NAV1: variants seen among roughly 807,000 people sequenced by gnomAD.
NAV1 encodes the protein neuron navigator 1.
Under a neutral mutation model 175.2 loss-of-function variants are expected in NAV1, and 18 were observed. That is an observed-to-expected ratio of 0.10 (90% CI 0.07 to 0.15). The LOEUF (loss-of-function observed/expected upper bound fraction) is 0.15, where lower values mean the gene tolerates loss of function less well. Ranked by LOEUF, NAV1 falls within the 10% of genes least tolerant of loss-of-function variation. The pLI is 1.00. For synonymous variants in NAV1, 897 were observed against 978.7 expected, an observed-to-expected ratio of 0.92 and a Z score of 1.56; for missense variants, 1,731 against 2,436.6, an observed-to-expected ratio of 0.71 and a Z score of 6.10.
At chr1:201,811,804 G>A in intron 25 of NAV1, 47 bp downstream of exon 29, 1 of 1,607,492 alleles carries the variant, frequency 6.2e-7, no homozygotes, top group Non-Finnish European at 8.5e-7. Flanking sequence ...TGGGAGGAGG[G>A]AGAACCCAGT....
At chr1:201,702,130 A>C (rs1671451447) in intron 1 of NAV1, among the ~76,000 whole-genome samples, 3 of 152,384 alleles carry the variant, frequency 2.0e-5, no homozygotes, top group South Asian at 2.1e-4. Context: ...CAGATGCAAA[A>C]GGCCACATAT....
intron 1 of NAV1, among the ~76,000 whole-genome samples, chr1:201,625,596 G>T (rs552511669): frequency 1.3e-5 from 2 of 152,158 alleles, no homozygotes; most frequent in South Asian, 2.1e-4. Context: ...TCTTTACTTC[G>T]ATTCTGAAGC....
In NAV1 at chr1:201,694,482, C is replaced by T. The variant is rs1005016058; in HGVS notation, c.758-18335C>T. On this transcript the variant is annotated intron_variant, in intron 1 of 29. Coordinates refer to ENST00000367296, the Ensembl canonical transcript of NAV1. The surrounding 1 kb of genome is among the most constrained non-coding windows in gnomAD (Gnocchi z 4.2). ...GGGCCGGGGTCACCAGCTGCTGGGG[C>T]TTCTTGCCCTGAGTTAGGCTGGGGA... is the stretch of plus-strand genomic sequence containing the variant. 1.3e-5 allele frequency among the ~76,000 whole-genome samples: 2 copies of T among 152,152 alleles called. No homozygotes were observed. The highest frequency in any genetic ancestry group is 4.8e-5 in the African/African-American group (2 of 41,424).
chr1:201,681,993 G>A (rs1241833009), intron 1 of NAV1, among the ~76,000 whole-genome samples: 8 of 152,076 alleles, frequency 5.3e-5, no homozygotes, highest in Non-Finnish European at 8.8e-5. Context: ...ATGCACATCC[G>A]TAATCCCAGC....
At chr1:201,654,528 C>T (rs990851367) in intron 1 of NAV1, among the ~76,000 whole-genome samples, 1 of 152,002 alleles carries the variant, frequency 6.6e-6, no homozygotes, top group Non-Finnish European at 1.5e-5. Context: ...AGCCTCTGAC[C>T]CTGAGGGTGA....
In NAV1 at chr1:201,730,485, CA is replaced by C. The variant is rs1199077723; in HGVS notation, c.1226+11731del. Among the ~76,000 whole-genome samples, 3 of 152,242 alleles carry C rather than the reference CA, an allele frequency of 2.0e-5. No homozygotes were observed. In the East Asian group the frequency reaches 5.8e-4, roughly 29 times the overall value. On this transcript the variant is annotated intron_variant, in intron 3 of 29. Coordinates refer to ENST00000367296, the Ensembl canonical transcript of NAV1. ...GTGTCCCTGAAGCCTGTGAGCATGA[CA>C]GGGGCAGGGATCACAGGCCTTCCAC...
In NAV1 at chr1:201,810,033, G is replaced by T. The variant is rs572999947; in HGVS notation, c.4489G>T (p.Val1497Leu). The change falls in exon 23 of 30, where the codon GTG becomes TTG. Residue 1497 changes from valine (V) to leucine (L), a missense_variant. This residue lies in a region of NAV1 where 36 missense variants were observed against 45.3 expected (regional missense o/e 0.80). Coordinates refer to ENST00000367296, the Ensembl canonical transcript of NAV1. The surrounding 1 kb of genome is among the most constrained non-coding windows in gnomAD (Gnocchi z 6.0). Reference sequence around the variant, plus strand: ...CTACAGCATCAGCCACGTGAAACGAGTGTTGGATGCAGAGCCCCCCGAGAT... The same window carrying T: ...CTACAGCATCAGCCACGTGAAACGATTGTTGGATGCAGAGCCCCCCGAGAT... The T allele has an allele frequency of 1.2e-6, 2 of 1,613,838 alleles. No homozygotes were observed. Among genetic ancestry groups the T allele is most frequent in the Non-Finnish European group, 1.7e-6 (2 of 1,180,020 alleles).
chr1:201,804,437 TC>T, intron 16 of NAV1, 51 bp from the exon 21 acceptor site: 4 of 1,506,490 alleles, frequency 2.7e-6, no homozygotes, highest in Non-Finnish European at 3.6e-6. Context: ...AAGTGTTGAT[TC>T]TTTTTTTTTT....
Position 201,793,521 on chromosome 1 carries a change from G to A in NAV1, c.3322-271G>A, listed in dbSNP as rs950985047. 3.8e-5 allele frequency: 16 copies of A among 426,608 alleles called. No individual in the cohort carries two copies. The Admixed American group carries it at 5.7e-4, about 15-fold the overall frequency. 26.4% of individuals were successfully genotyped at this position (426,608 alleles called of 1,614,324 possible). On this transcript the variant is annotated intron_variant, in intron 13 of 29. Transcript: ENST00000367296. The stretch of plus-strand genomic sequence containing the variant: ...TAGTCCTACCTCTGGTAGTTGATAG[G>A]TTTTAGATCTCAAGTCTCCAGGAGC...
chr1:201,547,954 C>T (rs945301628), intron 1 of NAV1, among the ~76,000 whole-genome samples: 1 of 152,034 alleles, frequency 6.6e-6, no homozygotes, highest in Non-Finnish European at 1.5e-5. Context: ...CCACCATGCC[C>T]GGCTAATTTT....
In NAV1 at chr1:201,629,678, G is replaced by T. The variant is rs1182538581; in HGVS notation, c.4+171G>T. ...TCATGCTTGACTCAACCCAGGGTTG[G>T]TCCATCAAACCCAGGAGCCTTTTAG... On this transcript the variant is annotated intron_variant, in intron 2 of 29. Transcript: ENST00000367302. 3.2e-5 allele frequency: 12 copies of T among 376,728 alleles called. No individual in the cohort carries two copies. The East Asian group carries it at 5.9e-4, about 19-fold the overall frequency. The allele number at this position is 376,728 out of a possible 1,614,324, so 23.3% of individuals were successfully genotyped here.
intron 1 of NAV1, among the ~76,000 whole-genome samples, chr1:201,690,952 T>G (rs1213789517): frequency 6.6e-6 from 1 of 152,216 alleles, no homozygotes; most frequent in Admixed American, 6.5e-5. Flanking sequence ...ACCCTCTGCA[T>G]GAATAACTCC....
intron 1 of NAV1, among the ~76,000 whole-genome samples, chr1:201,573,045 G>A (rs1666593744): frequency 6.6e-6 from 1 of 152,216 alleles, no homozygotes; most frequent in African/African-American, 2.4e-5. Flanking sequence ...AGGTTGCATG[G>A]AAGAGCCCTC....
intron 3 of NAV1, among the ~76,000 whole-genome samples, chr1:201,737,861 C>T (rs1036381608): frequency 1.3e-5 from 2 of 152,198 alleles, no homozygotes; most frequent in Non-Finnish European, 2.9e-5. Context: ...GGATTCCATG[C>T]TGGCTGAGGC....
At position 201,602,673 on chromosome 1, in the gene NAV1, T is replaced by G. The variant is rs746115007; in HGVS notation, c.-33+14024T>G. Among the ~76,000 whole-genome samples the G allele has an allele frequency of 5.7e-3, 854 of 149,444 alleles. 1 individual carries two copies. Among genetic ancestry groups the G allele is most frequent in the Non-Finnish European group, 1.0e-2 (667 of 67,012 alleles). Reference sequence around the variant, plus strand: ...TTGGTTTTTTTTTTTTTTGGTTTTTTTTTTACCATGAGCTCATCCAGAGTT... The same window carrying G: ...TTGGTTTTTTTTTTTTTTGGTTTTTGTTTTACCATGAGCTCATCCAGAGTT... On this transcript the variant is annotated intron_variant, in intron 2 of 33. Coordinates refer to the NAV1 transcript ENST00000685211.
chr1:201,794,683 T>C (rs1296107096), intron 15 of NAV1, 106 bp downstream of exon 19: 6 of 1,033,988 alleles, frequency 5.8e-6, no homozygotes, highest in Non-Finnish European at 7.4e-6. Context: ...ATCAAGTCTC[T>C]AGAAGGTGAG....
At chr1:201,550,402 C>T (rs559460359) in intron 1 of NAV1, among the ~76,000 whole-genome samples, 1 of 152,216 alleles carries the variant, frequency 6.6e-6, no homozygotes, top group South Asian at 2.1e-4. Context: ...AAACTCCTGG[C>T]CTCAGGATTG....
intron 2 of NAV1, 140 bp downstream of exon 4, chr1:201,629,647 T>C: frequency 6.5e-6 from 3 of 464,624 alleles, no homozygotes; most frequent in Non-Finnish European, 1.1e-5. Context: ...GCACTTTGAG[T>C]TTTCATCATG....
Position 201,813,080 on chromosome 1 carries a change from G to T in NAV1, c.5222-60G>T. On this transcript the variant is annotated intron_variant, in intron 27 of 29. Transcript: ENST00000367296. The surrounding 1 kb of genome is among the most constrained non-coding windows in gnomAD (Gnocchi z 4.2). ...TGCCTGGTACTAAGGAGTAAAAGAG[G>T]CACACAACCGGGAAGATCTAGGTTC... is the stretch of plus-strand genomic sequence containing the variant. 1 of 1,230,846 alleles carries T rather than the reference G, an allele frequency of 8.1e-7. No individual in the cohort carries two copies. The highest frequency in any genetic ancestry group is 1.2e-6 in the Non-Finnish European group (1 of 840,778). The allele number at this position is 1,230,846 out of a possible 1,614,324, so 76.2% of individuals were successfully genotyped here.
Sources: gnomAD v4.1 joint callset for allele counts (sites outside exome capture counted in the v4.1 genomes callset) on GRCh38, gnomAD v4.1.1 for gene constraint, gnomAD v4.1.1 regional missense constraint, Gnocchi (gnomAD v3.1) non-coding constraint, MANE v1.5 for transcripts, NCBI Gene and HGNC (gene_info 2026-07-23, HGNC 2026-07-21) for gene names.